The following ATRNL1 variants were observed in gnomAD, a reference collection of about 807,000 sequenced individuals.
The protein encoded by ATRNL1 is attractin-like protein 1.
ATRNL1 carries 95 observed loss-of-function variants against 182.7 expected under a neutral mutation model. The ratio of observed to expected loss-of-function variants is 0.52; its 90% CI spans 0.44 to 0.62. The LOEUF is 0.62. Among genes scored for constraint, ATRNL1 ranks in the 20% least tolerant of loss-of-function variants. The pLI is 0.00. For synonymous variants in ATRNL1, 576 were observed against 568.3 expected (o/e 1.01, Z -0.19); for missense variants, 1,471 against 1,679.5 (o/e 0.88, Z 2.17).
At chr10:115,460,517 ACTTC>A (rs1388925584) in intron 21 of ATRNL1, among the ~76,000 whole-genome samples, 2 of 152,028 alleles carry the variant, frequency 1.3e-5, no homozygotes, top group African/African-American at 4.8e-5. Context: ...GTATTTGACC[ACTTC>A]CTGTGGCCTT....
At chr10:115,582,994 A>G (rs1328787060) in intron 26 of ATRNL1, among the ~76,000 whole-genome samples, 1 of 145,872 alleles carries the variant, frequency 6.9e-6, no homozygotes, top group Non-Finnish European at 1.5e-5. Context: ...ACCATTTATT[A>G]AATAGGGAAT....
At chr10:115,411,866 G>T (rs1238375531) in intron 20 of ATRNL1, among the ~76,000 whole-genome samples, 3 of 151,816 alleles carry the variant, frequency 2.0e-5, no homozygotes, top group Non-Finnish European at 2.9e-5. Flanking sequence ...TAAATATATT[G>T]AAATATTTTA....
At chr10:115,342,402 TA>T (rs1416850257) in intron 19 of ATRNL1, among the ~76,000 whole-genome samples, 65 of 152,190 alleles carry the variant, frequency 4.3e-4, no homozygotes, top group African/African-American at 1.3e-3. Flanking sequence ...AACTACCTTA[TA>T]GCCCATTATT....
intron 18 of ATRNL1, among the ~76,000 whole-genome samples, chr10:115,331,755 T>G (rs950794478): frequency 2.1e-4 from 32 of 152,306 alleles, no homozygotes; most frequent in African/African-American, 6.0e-4. Flanking sequence ...ATACTGACTC[T>G]TGTATTTCAT....
intron 26 of ATRNL1, among the ~76,000 whole-genome samples, chr10:115,590,191 T>C (rs1456684705): frequency 1.3e-5 from 2 of 152,210 alleles, no homozygotes; most frequent in Non-Finnish European, 2.9e-5. Flanking sequence ...TTAGTGCTTC[T>C]TTCAGATAGA....
At chr10:115,804,546 A>C (rs1555085198) in intron 27 of ATRNL1, among the ~76,000 whole-genome samples, 1 of 152,160 alleles carries the variant, frequency 6.6e-6, no homozygotes, top group Non-Finnish European at 1.5e-5. Flanking sequence ...CAAGACACTG[A>C]ACCTACTGGT....
intron 26 of ATRNL1, among the ~76,000 whole-genome samples, chr10:115,663,543 A>G (rs1173373283): frequency 2.0e-5 from 3 of 151,864 alleles, no homozygotes; most frequent in Admixed American, 2.0e-4. Flanking sequence ...GATGACATAT[A>G]TGAGTAAAAT....
intron 26 of ATRNL1, among the ~76,000 whole-genome samples, chr10:115,568,929 A>C (rs1336116): frequency 0.41 from 61,936 of 151,774 alleles, 13,451 homozygotes; most frequent in Middle Eastern, 0.5. Flanking sequence ...AAATGTGTAA[A>C]CATGTATCCC....
chr10:115,947,170 G>A lies in ATRNL1; in HGVS notation c.*2391G>A, dbSNP rs1474207412. ...TCTTTGCCCTCAGGTGAAGTGGATT[G>A]AAAAGACATCAAGGATCAAGGATAA... On this transcript the variant is annotated 3_prime_UTR_variant, in exon 29 of 29. Coordinates refer to ENST00000355044, the MANE Select transcript of ATRNL1 (RefSeq NM_207303.4). The A allele has an allele frequency of 9.2e-5, 14 of 152,552 alleles. No homozygotes were observed. Among genetic ancestry groups the A allele is most frequent in the Non-Finnish European group, 1.8e-4 (12 of 68,020 alleles). The allele number at this position is 152,552 out of a possible 1,614,324, so 9.4% of individuals were successfully genotyped here.
chr10:115,675,534 T>G (rs542192389), intron 26 of ATRNL1, among the ~76,000 whole-genome samples: 144 of 152,254 alleles, frequency 9.5e-4, no homozygotes, highest in African/African-American at 3.3e-3. Flanking sequence ...TTCTTGCTTG[T>G]CTAGAAATAC....
rs1242998356 is a variant in ATRNL1 at position 115,661,722 on chromosome 10, T to G, written c.3796-65526T>G. On this transcript the variant is annotated intron_variant, in intron 26 of 28. Transcript: ENST00000355044. The stretch of plus-strand genomic sequence containing the variant: ...ATCAGAAGTAATCTAGATTCTATAA[T>G]AAAAAATCATGACATATGCTATGGA... Among the ~76,000 whole-genome samples, 3 of 152,306 alleles carry G rather than the reference T, an allele frequency of 2.0e-5. No homozygotes were observed. The East Asian group carries it at 5.8e-4, about 29-fold the overall frequency.
chr10:115,827,400 T>C (rs1950461099), intron 27 of ATRNL1, among the ~76,000 whole-genome samples: 1 of 152,208 alleles, frequency 6.6e-6, no homozygotes, highest in Non-Finnish European at 1.5e-5. Flanking sequence ...ATGATTGATG[T>C]GTTAACTAAT....
intron 24 of ATRNL1, among the ~76,000 whole-genome samples, chr10:115,491,654 T>A (rs1160747350): frequency 6.6e-6 from 1 of 152,150 alleles, no homozygotes; most frequent in Non-Finnish European, 1.5e-5. Context: ...AGCGAGAATT[T>A]CAAGCCAGTG....
At chr10:115,265,363 T>C in intron 11 of ATRNL1, 86 bp downstream of exon 11, 1 of 802,132 alleles carries the variant, frequency 1.2e-6, no homozygotes, top group Non-Finnish European at 2.0e-6. Context: ...TTGAAAATTA[T>C]CATTGGTACT....
In ATRNL1 at chr10:115,093,503, G is replaced by A. The variant is rs782392933; in HGVS notation, c.-248G>A. On this transcript the variant is annotated 5_prime_UTR_variant, in exon 1 of 29. Coordinates refer to ENST00000355044, the MANE Select transcript of ATRNL1 (RefSeq NM_207303.4). The surrounding 1 kb of genome is among the most constrained non-coding windows in gnomAD (Gnocchi z 6.1). Reference sequence around the variant, plus strand: ...GCCGGGTCCGGGACGCCGCGGCTGTGGGGTCGGCCCGCTAAGGACAAGGTC... The same window carrying A: ...GCCGGGTCCGGGACGCCGCGGCTGTAGGGTCGGCCCGCTAAGGACAAGGTC... 7 of 649,414 alleles carry A rather than the reference G, an allele frequency of 1.1e-5. No individual in the cohort carries two copies. Among genetic ancestry groups the A allele is most frequent in the African/African-American group, 7.6e-5 (4 of 52,604 alleles). The allele number at this position is 649,414 out of a possible 1,614,324, so 40.2% of individuals were successfully genotyped here.
chr10:115,943,015 ATAAT>A (rs1263626107), intron 28 of ATRNL1, among the ~76,000 whole-genome samples: 1 of 152,240 alleles, frequency 6.6e-6, no homozygotes, highest in African/African-American at 2.4e-5. Context: ...GCAGATCAAC[ATAAT>A]TAAACAATAT....
At chr10:115,518,371 G>A (rs534503325) in intron 24 of ATRNL1, among the ~76,000 whole-genome samples, 40 of 151,836 alleles carry the variant, frequency 2.6e-4, no homozygotes, top group African/African-American at 8.9e-4. Flanking sequence ...ATTATTAAAA[G>A]AAAAAGAGAT....
intron 25 of ATRNL1, among the ~76,000 whole-genome samples, chr10:115,528,246 C>T (rs1230860762): frequency 6.6e-6 from 1 of 151,678 alleles, no homozygotes; most frequent in South Asian, 2.1e-4. Context: ...TCAGTGAAGC[C>T]ATTGAGTTCA....
chr10:115,204,497 A>T (rs1449466663), intron 8 of ATRNL1, among the ~76,000 whole-genome samples: 1 of 152,074 alleles, frequency 6.6e-6, no homozygotes, highest in Non-Finnish European at 1.5e-5. Flanking sequence ...TATCATGAAA[A>T]TATGTTGAAT....
Sources: allele counts gnomAD v4.1 joint callset (sites outside exome capture counted in the v4.1 genomes callset), GRCh38; gene constraint gnomAD v4.1.1; non-coding constraint Gnocchi (gnomAD v3.1); transcripts MANE v1.5; gene names NCBI Gene and HGNC (gene_info 2026-07-23, HGNC 2026-07-21).